RTN3: variants seen among roughly 807,000 people sequenced by gnomAD.
RTN3 encodes the protein reticulon 3, also known as reticulon-3.
In RTN3, 49 loss-of-function variants were observed where a neutral mutation model predicts 77.8. That is an observed-to-expected ratio of 0.63 (90% CI 0.50 to 0.80). RTN3 has a LOEUF of 0.80. Among genes scored for constraint, RTN3 ranks in the 30% least tolerant of loss-of-function variants. RTN3 has a pLI of 0.00. For missense variants in RTN3, 1,236 were observed against 1,211.9 expected, an observed-to-expected ratio of 1.02 and a Z score of -0.29; for synonymous variants, 464 against 446.9, an observed-to-expected ratio of 1.04 and a Z score of -0.48.
At chr11:63,691,290 T>A (rs905481798) in intron 1 of RTN3, among the ~76,000 whole-genome samples, 1 of 151,520 alleles carries the variant, frequency 6.6e-6, no homozygotes, top group Non-Finnish European at 1.5e-5. Flanking sequence ...CCAGCTAATT[T>A]TTGTATTTTT....
intron 3 of RTN3, among the ~76,000 whole-genome samples, chr11:63,721,341 G>A (rs1048432627): frequency 2.0e-5 from 3 of 152,068 alleles, no homozygotes; most frequent in Non-Finnish European, 1.5e-5. Flanking sequence ...TTGGGAGGCC[G>A]AGACGGGCGG....
At chr11:63,747,450 G>A (rs2013864261) in intron 3 of RTN3, among the ~76,000 whole-genome samples, 1 of 152,092 alleles carries the variant, frequency 6.6e-6, no homozygotes, top group African/African-American at 2.4e-5. Flanking sequence ...TCTCTCCTTT[G>A]CAGCATCACT....
Position 63,720,850 on chromosome 11 carries a change from A to C in RTN3, c.2348A>C (p.Glu783Ala). The change falls in exon 3 of 9, where the codon GAA (glutamate) becomes GCA (alanine). Residue 783 changes from glutamate (E) to alanine (A), a missense_variant. By Grantham distance (107) the Glu-to-Ala change is moderately radical. Coordinates refer to ENST00000377819, the MANE Select transcript of RTN3 (RefSeq NM_001265589.2). The part of the protein sequence containing the change: ...VLKQTFTFAP[E>A]SWPQRSYDIL... ...AAGCAAACTTTCACATTTGCTCCAG[A>C]ATCTTGGCCACAGAGATCATATGAC... 1 of 1,614,026 alleles carries C rather than the reference A, an allele frequency of 6.2e-7. No homozygotes were observed. Among genetic ancestry groups the C allele is most frequent in the African/African-American group, 1.3e-5 (1 of 75,056 alleles).
intron 1 of RTN3, among the ~76,000 whole-genome samples, chr11:63,703,685 G>C (rs995445254): frequency 1.1e-4 from 16 of 151,904 alleles, no homozygotes; most frequent in African/African-American, 3.9e-4. Context: ...TGGGACTACA[G>C]GCGCCCGCCA....
At chr11:63,757,698 A>G (rs1186970780) in intron 8 of RTN3, among the ~76,000 whole-genome samples, 1 of 149,228 alleles carries the variant, frequency 6.7e-6, no homozygotes, top group East Asian at 2.0e-4. Context: ...AACGCTTTGA[A>G]TTTGTTAACA....
intron 1 of RTN3, among the ~76,000 whole-genome samples, chr11:63,687,210 C>A (rs991918690): frequency 6.6e-6 from 1 of 152,206 alleles, no homozygotes; most frequent in African/African-American, 2.4e-5. Flanking sequence ...GCCTAGATTT[C>A]AATCCTGGCC....
intron 3 of RTN3, chr11:63,747,030 T>C (rs1045147428): frequency 8.8e-6 from 4 of 455,910 alleles, no homozygotes; most frequent in Non-Finnish European, 1.3e-5. Context: ...AAGAAGTAAG[T>C]TCCTCAGCCT....
In RTN3 at chr11:63,753,151, G is replaced by A. The variant is rs2014192370; in HGVS notation, c.2947+13G>A. ...CTTCTAATTCTTGGTAAGGTGGCAAGGAGAATGTGCCCATGCTCTTTGAAG... is the reference window on the plus strand; with the variant it reads ...CTTCTAATTCTTGGTAAGGTGGCAAAGAGAATGTGCCCATGCTCTTTGAAG... On this transcript the variant is annotated intron_variant, in intron 6 of 8. Coordinates refer to ENST00000377819, the MANE Select transcript of RTN3 (RefSeq NM_001265589.2). 1 of 1,610,540 alleles carries A rather than the reference G, an allele frequency of 6.2e-7. No individual in the cohort carries two copies. The highest frequency in any genetic ancestry group is 2.2e-5 in the East Asian group (1 of 44,866).
At chr11:63,703,185 A>G (rs1172442098) in intron 1 of RTN3, among the ~76,000 whole-genome samples, 1 of 152,246 alleles carries the variant, frequency 6.6e-6, no homozygotes, top group African/African-American at 2.4e-5. Context: ...ACGTTGTATT[A>G]GGTGTCTAAA....
intron 1 of RTN3, among the ~76,000 whole-genome samples, chr11:63,697,182 C>T (rs1035367475): frequency 6.6e-6 from 1 of 152,022 alleles, no homozygotes; most frequent in Non-Finnish European, 1.5e-5. Flanking sequence ...TCGCGCCCGG[C>T]CCCGTTGCTA....
intron 3 of RTN3, among the ~76,000 whole-genome samples, chr11:63,749,079 C>A (rs756381054): frequency 1.3e-4 from 20 of 151,994 alleles, no homozygotes; most frequent in Non-Finnish European, 2.9e-4. Context: ...GCCAGGAGTT[C>A]GAGACTAGCC....
chr11:63,745,685 T>C (rs1006408465), intron 3 of RTN3, among the ~76,000 whole-genome samples: 5 of 152,246 alleles, frequency 3.3e-5, no homozygotes, highest in African/African-American at 1.2e-4. Flanking sequence ...TGCAGGTTGT[T>C]TACTGCACAC....
intron 1 of RTN3, among the ~76,000 whole-genome samples, chr11:63,693,389 C>T (rs1216891528): frequency 6.6e-6 from 1 of 151,980 alleles, no homozygotes; most frequent in Admixed American, 6.6e-5. Flanking sequence ...AAGGCTGAGG[C>T]AGGAGAATCA....
chr11:63,683,836 T>G (rs1011901679), intron 1 of RTN3, among the ~76,000 whole-genome samples: 10 of 152,152 alleles, frequency 6.6e-5, no homozygotes, highest in African/African-American at 2.4e-4. Flanking sequence ...AGTAGTAGAA[T>G]TATATCGTGA....
At chr11:63,709,300 C>G (rs550026337) in intron 2 of RTN3, among the ~76,000 whole-genome samples, 67 of 152,230 alleles carry the variant, frequency 4.4e-4, no homozygotes, top group African/African-American at 1.6e-3. Context: ...TATATGCTCC[C>G]TCCAACAAAA....
intron 3 of RTN3, among the ~76,000 whole-genome samples, chr11:63,744,326 A>G (rs897724452): frequency 6.6e-6 from 1 of 151,474 alleles, no homozygotes; most frequent in Non-Finnish European, 1.5e-5. Context: ...TTTAAAAAGT[A>G]GTTATGCATT....
chr11:63,747,072 C>CTA, intron 3 of RTN3: 4 of 447,884 alleles, frequency 8.9e-6, no homozygotes, highest in South Asian at 6.2e-5. Flanking sequence ...TTTTTGAAGA[C>CTA]TATAGGCCAG....
intron 1 of RTN3, among the ~76,000 whole-genome samples, chr11:63,702,887 G>A (rs182461160): frequency 2.7e-4 from 40 of 150,002 alleles, no homozygotes; most frequent in East Asian, 1.0e-3. Flanking sequence ...GGGTTTCACC[G>A]TGTTAGCCAG....
In RTN3 at chr11:63,720,288, A is replaced by C; in HGVS notation, c.1786A>C (p.Ser596Arg). 1.2e-6 allele frequency: 2 copies of C among 1,613,406 alleles called. No individual in the cohort carries two copies. The highest frequency in any genetic ancestry group is 1.7e-6 in the Non-Finnish European group (2 of 1,179,664). Residue 596 changes from serine (S) to arginine (R), a missense_variant, in exon 3 of 9, where the codon AGT (serine) becomes CGT (arginine). Physicochemically the swap from Ser to Arg is moderately radical, Grantham distance 110. Around this residue, in one of 3 missense-constraint regions of RTN3, gnomAD observed 1,056 missense variants for 990.4 expected, o/e 1.07. Coordinates refer to ENST00000377819, the MANE Select transcript of RTN3 (RefSeq NM_001265589.2). ...TACGAATGTCTCCTTAGAAGATGTG[A>C]GTGAAGTTGCTCCTGAAAAGCCTAT... ...PDTNVSLEDV[S>R]EVAPEKPITT... is the part of the protein sequence containing the mutation.
Sources: gnomAD v4.1 joint callset for allele counts (sites outside exome capture counted in the v4.1 genomes callset) on GRCh38, gnomAD v4.1.1 for gene constraint, gnomAD v4.1.1 regional missense constraint, MANE v1.5 for transcripts, NCBI Gene and HGNC (gene_info 2026-07-23, HGNC 2026-07-21) for gene names.